The following MECOM variants were observed in gnomAD, a reference collection of about 807,000 sequenced individuals.
The protein encoded by MECOM is histone-lysine N-methyltransferase MECOM.
A neutral mutation model predicts 116.3 loss-of-function variants in MECOM; 13 were observed. The observed-to-expected ratio is 0.11, with a 90% CI of 0.07 to 0.18. The LOEUF (loss-of-function observed/expected upper bound fraction) is 0.18. MECOM is among the 10% of genes least tolerant of loss of function. The probability of loss-of-function intolerance (pLI) is 1.00; values close to 1 mark genes in which losing one functional copy is unlikely to be tolerated. For missense variants in MECOM, 1,299 were observed against 1,509.0 expected, an observed-to-expected ratio of 0.86 and a Z score of 2.31; for synonymous variants, 528 against 535.2, an observed-to-expected ratio of 0.99 and a Z score of 0.19.
In MECOM at chr3:169,640,116, G is replaced by A. The variant is rs184043292; in HGVS notation, c.37+23220C>T. Among the ~76,000 whole-genome samples, 196 of 152,146 alleles carry A rather than the reference G, an allele frequency of 1.3e-3. 1 individual carries two copies. The highest frequency in any genetic ancestry group is 4.6e-3 in the African/African-American group (191 of 41,498). ...ACAGAGATAATTCTTTATAAGAGAC[G>A]TAGTGAATATTTGATTTGAGCAATA... On this transcript the variant is annotated intron_variant, in intron 1 of 16. Transcript: ENST00000651503.
chr3:169,584,164 T>G (rs1348408098), intron 1 of MECOM, among the ~76,000 whole-genome samples: 1 of 152,178 alleles, frequency 6.6e-6, no homozygotes, highest in Admixed American at 6.5e-5. Flanking sequence ...TAGAAGATAT[T>G]CTCATTCTAG....
chr3:169,170,138 C>T (rs528116393), intron 2 of MECOM, among the ~76,000 whole-genome samples: 1 of 152,176 alleles, frequency 6.6e-6, no homozygotes, highest in African/African-American at 2.4e-5. Flanking sequence ...CTAGTCCAGG[C>T]GTGGTGGCTC....
intron 2 of MECOM, chr3:169,149,522 C>G: frequency 3.8e-6 from 1 of 265,052 alleles, no homozygotes; most frequent in Non-Finnish European, 7.8e-6. Context: ...AGCGCAGCGC[C>G]GGCGGCTCCA....
intron 2 of MECOM, among the ~76,000 whole-genome samples, chr3:169,148,291 G>A (rs1740500482): frequency 6.6e-6 from 1 of 152,160 alleles, no homozygotes; most frequent in African/African-American, 2.4e-5. Context: ...TGACGACTCA[G>A]ATTATTTTTG....
Position 169,594,192 on chromosome 3 carries a change from G to T in MECOM, c.37+69144C>A, listed in dbSNP as rs966625863. Among the ~76,000 whole-genome samples the T allele has an allele frequency of 5.2e-5, 6 of 114,826 alleles. 1 individual carries two copies. The highest frequency in any genetic ancestry group is 2.2e-4 in the African/African-American group (6 of 27,238). The allele number at this position is 114,826 out of a possible 152,430, so 75.3% of individuals were successfully genotyped here. On this transcript the variant is annotated intron_variant, in intron 1 of 16. Transcript: ENST00000651503. Reference sequence around the variant, plus strand: ...AAAAAAAAAACACCTTTTCACCTAAGTACCTCAAGGCCCTCCACCAAAAAA... The same window carrying T: ...AAAAAAAAAACACCTTTTCACCTAATTACCTCAAGGCCCTCCACCAAAAAA...
At chr3:169,477,103 GTGTATATATATATATATATATATATATA>G (rs1382124041) in intron 1 of MECOM, 1 of 56,286 alleles carries the variant, frequency 1.8e-5, no homozygotes, top group African/African-American at 8.5e-5. Context: ...GTGTGTGTGT[GTGTATATATATATATATATATATATATA>G]TATATATATA....
At chr3:169,555,530 G>C (rs1401620612) in intron 1 of MECOM, among the ~76,000 whole-genome samples, 3 of 152,158 alleles carry the variant, frequency 2.0e-5, no homozygotes, top group Non-Finnish European at 4.4e-5. Context: ...ATCCAAACAG[G>C]GGTCTAACAA....
At chr3:169,455,805 C>T (rs985413634) in intron 1 of MECOM, among the ~76,000 whole-genome samples, 2 of 152,156 alleles carry the variant, frequency 1.3e-5, no homozygotes, top group Non-Finnish European at 2.9e-5. Flanking sequence ...GAGACACCAG[C>T]CACTTCCAAA....
chr3:169,191,703 AG>A (rs1446211618), intron 2 of MECOM, among the ~76,000 whole-genome samples: 185 of 39,714 alleles, frequency 4.7e-3, no homozygotes, highest in African/African-American at 0.016. Context: ...GAGATAGAAA[AG>A]AAAGAAAGAA....
chr3:169,150,850 G>A (rs183853215), intron 2 of MECOM, among the ~76,000 whole-genome samples: 2 of 152,276 alleles, frequency 1.3e-5, no homozygotes, highest in East Asian at 1.9e-4. Flanking sequence ...CAGGGCTGGG[G>A]TGGGAGAGGT....
chr3:169,218,687 C>T (rs960799118), intron 2 of MECOM, among the ~76,000 whole-genome samples: 1 of 152,148 alleles, frequency 6.6e-6, no homozygotes, highest in Non-Finnish European at 1.5e-5. Context: ...TCACATACTA[C>T]AGAATGCAGT....
At chr3:169,325,350 T>C (rs1410862552) in intron 2 of MECOM, among the ~76,000 whole-genome samples, 1 of 152,178 alleles carries the variant, frequency 6.6e-6, no homozygotes, top group Non-Finnish European at 1.5e-5. Flanking sequence ...GTAAGAGGAT[T>C]CAGAAATACT....
intron 1 of MECOM, among the ~76,000 whole-genome samples, chr3:169,416,609 G>T (rs1021710323): frequency 1.3e-5 from 2 of 151,316 alleles, no homozygotes; most frequent in African/African-American, 4.9e-5. Flanking sequence ...TTTAAAAAAG[G>T]ATGAACAAAA....
intron 1 of MECOM, among the ~76,000 whole-genome samples, chr3:169,607,117 C>T (rs1042206670): frequency 3.9e-5 from 6 of 152,174 alleles, no homozygotes; most frequent in Non-Finnish European, 8.8e-5. Flanking sequence ...TAGATACTTA[C>T]GGAGGCAATA....
At position 169,502,190 on chromosome 3, in the gene MECOM, T is replaced by C. The variant is rs559529600; in HGVS notation, c.38-120666A>G. On this transcript the variant is annotated intron_variant, in intron 1 of 16. Coordinates refer to ENST00000651503, the MANE Select transcript of MECOM (RefSeq NM_004991.4). ...CACAGAACATAGACAAGAAACTGGATTCAAAAACCCATCTCTCTTACAAGC... is the reference window on the plus strand; with the variant it reads ...CACAGAACATAGACAAGAAACTGGACTCAAAAACCCATCTCTCTTACAAGC... 3.5e-4 allele frequency among the ~76,000 whole-genome samples: 54 copies of C among 152,262 alleles called. 1 individual carries two copies. Among genetic ancestry groups the C allele is most frequent in the Admixed American group, 1.2e-3 (18 of 15,286 alleles).
intron 1 of MECOM, among the ~76,000 whole-genome samples, chr3:169,470,393 C>T (rs1323680583): frequency 2.0e-5 from 3 of 152,262 alleles, no homozygotes; most frequent in Admixed American, 6.5e-5. Flanking sequence ...AGAGAAAAAA[C>T]GAGCTTCTTG....
intron 2 of MECOM, among the ~76,000 whole-genome samples, chr3:169,254,877 T>C (rs1035389726): frequency 6.6e-6 from 1 of 151,956 alleles, no homozygotes; most frequent in Admixed American, 6.6e-5. Context: ...AGAAGTGGTG[T>C]TGGAGTTTAT....
At chr3:169,241,140 T>C (rs1331772824) in intron 2 of MECOM, among the ~76,000 whole-genome samples, 2 of 152,168 alleles carry the variant, frequency 1.3e-5, no homozygotes, top group Non-Finnish European at 2.9e-5. Flanking sequence ...AATATTTTGA[T>C]AGGCAAAGAT....
chr3:169,102,613 T>C (rs1300175966), intron 10 of MECOM, among the ~76,000 whole-genome samples: 4 of 152,158 alleles, frequency 2.6e-5, no homozygotes, highest in Admixed American at 6.5e-5. Context: ...AAAGTTGCTA[T>C]ATGCCTTACC....
Sources: gnomAD v4.1 joint callset for allele counts (sites outside exome capture counted in the v4.1 genomes callset) on GRCh38, gnomAD v4.1.1 for gene constraint, MANE v1.5 for transcripts, NCBI Gene and HGNC (gene_info 2026-07-23, HGNC 2026-07-21) for gene names.